Variants in PNO1 observed in about 807,000 individuals in gnomAD.
PNO1 encodes the protein RNA-binding protein PNO1.
PNO1 carries 16 observed loss-of-function variants against 28.4 expected under a neutral mutation model. The ratio of observed to expected loss-of-function variants is 0.56; its 90% CI spans 0.38 to 0.85. The LOEUF (loss-of-function observed/expected upper bound fraction) is 0.85, where lower values mean the gene tolerates loss of function less well. Among genes scored for constraint, PNO1 ranks in the 40% least tolerant of loss-of-function variants. The probability of loss-of-function intolerance (pLI) is 0.00; values close to 1 mark genes in which losing one functional copy is unlikely to be tolerated. For synonymous variants in PNO1, 115 were observed against 110.8 expected, an observed-to-expected ratio of 1.04 and a Z score of -0.24; for missense variants, 304 against 312.2, an observed-to-expected ratio of 0.97 and a Z score of 0.20.
In PNO1 at chr2:68,158,367, C is replaced by A. The variant is rs1329569893; in HGVS notation, c.208-13C>A. The A allele has an allele frequency of 6.2e-7, 1 of 1,603,814 alleles. No individual in the cohort carries two copies. The highest frequency in any genetic ancestry group is 8.5e-7 in the Non-Finnish European group (1 of 1,176,038). On this transcript the variant is annotated splice_polypyrimidine_tract_variant and intron_variant, in intron 1 of 6. Transcript: ENST00000263657. The stretch of plus-strand genomic sequence containing the variant: ...TCCATAGCCTTCTGAGTTGTGTGTT[C>A]TTTTATTTACAGAGTGGGAAAGAAG...
chr2:68,160,443 C>T (rs1333323313), intron 2 of PNO1, among the ~76,000 whole-genome samples: 3 of 152,180 alleles, frequency 2.0e-5, no homozygotes, highest in Non-Finnish European at 4.4e-5. Flanking sequence ...CAGTATCTTT[C>T]CGGGTCTAGC....
At chr2:68,173,266 C>T (rs1674179047) in intron 5 of PNO1, 81 bp from the exon 6 acceptor site, 1 of 843,358 alleles carries the variant, frequency 1.2e-6, no homozygotes, top group Non-Finnish European at 2.1e-6. Context: ...ATCTACCTGC[C>T]TTGGCCTTCC....
At chr2:68,164,432 A>G (rs1486537875) in intron 5 of PNO1, among the ~76,000 whole-genome samples, 3 of 152,320 alleles carry the variant, frequency 2.0e-5, no homozygotes, top group East Asian at 1.9e-4. Context: ...TTGAAGCTGC[A>G]GGGAACCACG....
intron 2 of PNO1, 31 bp from the exon 3 acceptor site, chr2:68,161,652 G>C: frequency 1.5e-6 from 2 of 1,309,524 alleles, no homozygotes; most frequent in East Asian, 4.6e-5. Flanking sequence ...ATTCTCAACG[G>C]TATTTTGTAC....
chr2:68,166,977 T>G (rs1286541501), intron 5 of PNO1, among the ~76,000 whole-genome samples: 1 of 152,196 alleles, frequency 6.6e-6, no homozygotes, highest in Non-Finnish European at 1.5e-5. Context: ...CATGATTTCT[T>G]GTTTGGCTCT....
chr2:68,161,176 A>C (rs769771870), intron 2 of PNO1: 7 of 468,532 alleles, frequency 1.5e-5, no homozygotes. Context: ...CTTTGAGGAC[A>C]GGTTCAGTGC....
At chr2:68,164,524 G>T (rs551297502) in intron 5 of PNO1, among the ~76,000 whole-genome samples, 2 of 151,986 alleles carry the variant, frequency 1.3e-5, no homozygotes, top group African/African-American at 4.8e-5. Flanking sequence ...TAGTCTGGGC[G>T]CAGTGGATCA....
At chr2:68,169,142 G>T (rs1193093088) in intron 5 of PNO1, among the ~76,000 whole-genome samples, 1 of 151,880 alleles carries the variant, frequency 6.6e-6, no homozygotes, top group South Asian at 2.1e-4. Context: ...TGTTAGGCAG[G>T]ATGGTCTCAA....
intron 2 of PNO1, among the ~76,000 whole-genome samples, chr2:68,160,264 A>G (rs563318263): frequency 1.4e-4 from 22 of 152,130 alleles, no homozygotes; most frequent in Non-Finnish European, 2.6e-4. Flanking sequence ...CATCTTCAAC[A>G]TTTCTAAAGG....
chr2:68,164,120 G>C (rs2103675476), intron 5 of PNO1, among the ~76,000 whole-genome samples: 1 of 152,242 alleles, frequency 6.6e-6, no homozygotes, highest in Non-Finnish European at 1.5e-5. Context: ...GATCTTTTAT[G>C]GATTGAGCCT....
chr2:68,166,967 C>G (rs1490632208), intron 5 of PNO1, among the ~76,000 whole-genome samples: 1 of 152,194 alleles, frequency 6.6e-6, no homozygotes, highest in African/African-American at 2.4e-5. Context: ...CAGTCTCTTT[C>G]ATGATTTCTT....
chr2:68,168,768 C>A (rs577693717), intron 5 of PNO1, among the ~76,000 whole-genome samples: 1 of 152,188 alleles, frequency 6.6e-6, no homozygotes, highest in East Asian at 1.9e-4. Context: ...CAGGTGTATT[C>A]ATATCTGCTG....
intron 2 of PNO1, among the ~76,000 whole-genome samples, chr2:68,160,454 T>C (rs1206785133): frequency 6.6e-6 from 1 of 152,202 alleles, no homozygotes; most frequent in Non-Finnish European, 1.5e-5. Context: ...CGGGTCTAGC[T>C]CAAGTTCTTT....
chr2:68,170,480 G>C (rs919311738), intron 5 of PNO1, among the ~76,000 whole-genome samples: 1 of 152,154 alleles, frequency 6.6e-6, no homozygotes, highest in Non-Finnish European at 1.5e-5. Context: ...GGGCGTGATG[G>C]CTCACACCTG....
At chr2:68,166,778 C>T (rs1193153051) in intron 5 of PNO1, among the ~76,000 whole-genome samples, 3 of 152,174 alleles carry the variant, frequency 2.0e-5, no homozygotes, top group African/African-American at 4.8e-5. Flanking sequence ...CTAATGTCAC[C>T]TTGTTTTCTG....
intron 5 of PNO1, among the ~76,000 whole-genome samples, chr2:68,169,916 A>G (rs986274916): frequency 6.6e-6 from 1 of 152,144 alleles, no homozygotes; most frequent in East Asian, 1.9e-4. Flanking sequence ...AGTCAGCTGT[A>G]TTACATCTTG....
At position 68,158,011 on chromosome 2, in the gene PNO1, G is replaced by A. The variant is rs773777829; in HGVS notation, c.77G>A (p.Arg26Gln). 9.3e-6 allele frequency: 15 copies of A among 1,614,064 alleles called. No individual in the cohort carries two copies. In the Admixed American group the frequency reaches 2.0e-4, roughly 22 times the overall value. ...CAGGTCACCCGCAAGGGTGGCCGAC[G>A]GGCGAAGAAACGACAGGCTGAACAG... ...FTQVTRKGGRRAKKRQAEQLS... is the reference protein window; with the variant it reads ...FTQVTRKGGRQAKKRQAEQLS... Residue 26 changes from arginine to glutamine, a missense_variant, in exon 1 of 7, where the codon CGG (arginine) becomes CAG (glutamine). Coordinates refer to ENST00000263657, the MANE Select transcript of PNO1 (RefSeq NM_020143.4).
intron 5 of PNO1, among the ~76,000 whole-genome samples, chr2:68,163,540 A>AATAAATACATACATAC (rs1553401137): frequency 7.3e-6 from 1 of 136,072 alleles, no homozygotes; most frequent in African/African-American, 2.7e-5. Context: ...CAAATAAATA[A>AATAAATACATACATAC]ATACATACAT....
rs1294835613 is a variant in PNO1 at position 68,162,329 on chromosome 2, AGT to A, written c.502+11_502+12del. On this transcript the variant is annotated splice_donor_5th_base_variant and intron_variant, in intron 4 of 6. Coordinates refer to ENST00000263657, the MANE Select transcript of PNO1 (RefSeq NM_020143.4). ...GAGTCTTTTGAAATTACAGATGGTG[AGT>A]GTGTGTTGGTCTGCGCTCTTGTGTC... The A allele has an allele frequency of 2.5e-6, 4 of 1,602,426 alleles. No individual in the cohort carries two copies. Among genetic ancestry groups the A allele is most frequent in the Admixed American group, 1.7e-5 (1 of 59,048 alleles).
Sources: gnomAD v4.1 joint callset for allele counts (sites outside exome capture counted in the v4.1 genomes callset) on GRCh38, gnomAD v4.1.1 for gene constraint, MANE v1.5 for transcripts, NCBI Gene and HGNC (gene_info 2026-07-23, HGNC 2026-07-21) for gene names.